The following ANKH variants were observed in gnomAD, a reference collection of about 807,000 sequenced individuals.
The protein encoded by ANKH is ANKH inorganic pyrophosphate transport regulator, also known as mineralization regulator ANKH.
A neutral mutation model predicts 49.0 loss-of-function variants in ANKH; 15 were observed. The ratio of observed to expected loss-of-function variants is 0.31; its 90% CI spans 0.20 to 0.47. The LOEUF is 0.47. ANKH is among the 20% of genes least tolerant of loss of function. The probability of loss-of-function intolerance (pLI) is 1.00; values close to 1 mark genes in which losing one functional copy is unlikely to be tolerated. For synonymous variants in ANKH, 273 were observed against 260.0 expected (o/e 1.05, Z -0.48); for missense variants, 429 against 652.0 (o/e 0.66, Z 3.72).
intron 1 of ANKH, chr5:14,798,367 C>G: frequency 6.4e-7 from 1 of 1,565,884 alleles, no homozygotes; most frequent in Non-Finnish European, 8.8e-7. Context: ...CATTCTTCCA[C>G]TGTGTTGTCA....
intron 1 of ANKH, among the ~76,000 whole-genome samples, chr5:14,839,718 G>A (rs147189592): frequency 2.0e-5 from 3 of 152,264 alleles, no homozygotes; most frequent in Admixed American, 2.0e-4. Context: ...CAGAATGAAA[G>A]TCCTAATGGC....
chr5:14,762,777 T>TCCATAATTACCA (rs2126502100), intron 2 of ANKH, among the ~76,000 whole-genome samples: 1 of 152,050 alleles, frequency 6.6e-6, no homozygotes, highest in South Asian at 2.1e-4. Context: ...TTGCATAGAG[T>TCCATAATTACCA]CCATAATTAC....
At chr5:14,717,937 CA>C (rs1737532983) in intron 8 of ANKH, among the ~76,000 whole-genome samples, 1 of 152,104 alleles carries the variant, frequency 6.6e-6, no homozygotes, top group Admixed American at 6.5e-5. Context: ...GAGGCATACT[CA>C]ATCTGTACAT....
At chr5:14,861,250 G>A (rs1010706680) in intron 1 of ANKH, among the ~76,000 whole-genome samples, 2 of 152,176 alleles carry the variant, frequency 1.3e-5, no homozygotes, top group African/African-American at 4.8e-5. Context: ...TTTGGGACAT[G>A]CACAGAATAA....
chr5:14,846,077 G>T (rs1741952450), intron 1 of ANKH, among the ~76,000 whole-genome samples: 1 of 151,430 alleles, frequency 6.6e-6, no homozygotes. Context: ...GGCTGGTCTC[G>T]AACTCCTGGC....
intron 1 of ANKH, among the ~76,000 whole-genome samples, chr5:14,815,370 G>A (rs1741003695): frequency 6.6e-6 from 1 of 152,204 alleles, no homozygotes; most frequent in East Asian, 1.9e-4. Context: ...CTGTCTGTAT[G>A]CATGTGAGTG....
chr5:14,869,585 T>C (rs1735756996), intron 1 of ANKH: 2 of 152,264 alleles, frequency 1.3e-5, no homozygotes, highest in East Asian at 3.8e-4. Context: ...TTAGAATTAT[T>C]AGACCTGCGA....
intron 9 of ANKH, among the ~76,000 whole-genome samples, chr5:14,715,608 C>T (rs1306310739): frequency 6.6e-6 from 1 of 152,238 alleles, no homozygotes; most frequent in East Asian, 1.9e-4. Flanking sequence ...TTCCCAGGCC[C>T]TTGTCCTGCT....
At chr5:14,861,012 A>AG (rs1195561991) in intron 1 of ANKH, among the ~76,000 whole-genome samples, 2 of 152,106 alleles carry the variant, frequency 1.3e-5, no homozygotes, top group African/African-American at 2.4e-5. Flanking sequence ...TGAACTCCTG[A>AG]GCTCAAGTGA....
chr5:14,726,925 C>G (rs531190386), intron 8 of ANKH, among the ~76,000 whole-genome samples: 1 of 152,168 alleles, frequency 6.6e-6, no homozygotes, highest in African/African-American at 2.4e-5. Context: ...GCCACGTGTT[C>G]CCGATACAGC....
At chr5:14,863,103 A>G (rs762269775) in intron 1 of ANKH, among the ~76,000 whole-genome samples, 14 of 152,324 alleles carry the variant, frequency 9.2e-5, no homozygotes, top group Non-Finnish European at 1.9e-4. Flanking sequence ...CAGCAAGAAG[A>G]GGAAACTGAG....
intron 9 of ANKH, among the ~76,000 whole-genome samples, chr5:14,714,005 C>T (rs950640499): frequency 6.6e-6 from 1 of 152,274 alleles, no homozygotes; most frequent in Non-Finnish European, 1.5e-5. Context: ...TGATCATCTA[C>T]CTCTAGAAGA....
chr5:14,773,631 G>A (rs1046748334), intron 1 of ANKH, among the ~76,000 whole-genome samples: 1 of 152,130 alleles, frequency 6.6e-6, no homozygotes, highest in Admixed American at 6.5e-5. Flanking sequence ...TCACTTAAGC[G>A]CTGAGTGGCC....
chr5:14,711,296 C>T lies in ANKH; in HGVS notation c.1380G>A (p.Glu460=), dbSNP rs755549331. ...YVYRKQKKKM[E]NESATEGEDS... The stretch of plus-strand genomic sequence containing the variant: ...CTTCCCCCTCCGTGGCCGACTCATT[C>T]TCCATCTTCTTTTTCTAGACCAAAG... Residue 460 remains glutamate, a synonymous_variant, in exon 12 of 12, where the codon GAG becomes GAA. Transcript: ENST00000284268. 4 of 1,614,110 alleles carry T rather than the reference C, an allele frequency of 2.5e-6. 1 individual carries two copies. In the South Asian group the frequency reaches 3.3e-5, roughly 13 times the overall value.
rs1735827069 is a variant in ANKH, at chr5:14,871,526, ACGGGGCG to A, written c.-86_-80del. On this transcript the variant is annotated 5_prime_UTR_variant, in exon 1 of 12. Coordinates refer to ENST00000284268, the MANE Select transcript of ANKH (RefSeq NM_054027.6). Reference sequence around the variant, plus strand: ...CGGGGAGGCGAGGGGCGACGGGGCGACGGGGCGAGCGGGGCGCGGGCCGACAGAGGCC... The same window carrying A: ...CGGGGAGGCGAGGGGCGACGGGGCGAAGCGGGGCGCGGGCCGACAGAGGCC... The A allele has an allele frequency of 5.6e-6, 6 of 1,064,910 alleles. No individual in the cohort carries two copies. The East Asian group carries it at 1.8e-4, about 31-fold the overall frequency. 66.0% of individuals were successfully genotyped at this position (1,064,910 alleles called of 1,614,324 possible).
At chr5:14,827,532 G>A (rs984740547) in intron 1 of ANKH, among the ~76,000 whole-genome samples, 2 of 152,204 alleles carry the variant, frequency 1.3e-5, no homozygotes, top group Non-Finnish European at 2.9e-5. Context: ...TTGAGAAGAA[G>A]GCTGTGGCTG....
chr5:14,857,179 A>G (rs902863027), intron 1 of ANKH, among the ~76,000 whole-genome samples: 2 of 152,106 alleles, frequency 1.3e-5, no homozygotes, highest in African/African-American at 4.8e-5. Context: ...ACATCCTCCC[A>G]CTAACTAGAG....
In ANKH at chr5:14,710,093, G is replaced by A. The variant is rs1187497556; in HGVS notation, c.*1104C>T. The stretch of plus-strand genomic sequence containing the variant: ...AGGACCACATAGTGACTCTGGTATC[G>A]TTATAAAATGTCTTGCTTTATCGTA... On this transcript the variant is annotated 3_prime_UTR_variant, in exon 12 of 12. Coordinates refer to ENST00000284268, the MANE Select transcript of ANKH (RefSeq NM_054027.6). The A allele has an allele frequency of 6.6e-6, 1 of 152,154 alleles. No individual in the cohort carries two copies. Among genetic ancestry groups the A allele is most frequent in the Non-Finnish European group, 1.5e-5 (1 of 68,038 alleles). 9.4% of individuals were successfully genotyped at this position (152,154 alleles called of 1,614,324 possible). A position where few individuals can be genotyped will look rare whatever the true frequency, so the allele number is the denominator to read the frequency against.
intron 1 of ANKH, among the ~76,000 whole-genome samples, chr5:14,810,493 G>T (rs1486043590): frequency 1.3e-5 from 2 of 152,158 alleles, no homozygotes; most frequent in African/African-American, 4.8e-5. Context: ...GAATAACAGT[G>T]AGCATGTTTG....
Sources: allele counts gnomAD v4.1 joint callset (sites outside exome capture counted in the v4.1 genomes callset), GRCh38; gene constraint gnomAD v4.1.1; transcripts MANE v1.5; gene names NCBI Gene and HGNC (gene_info 2026-07-23, HGNC 2026-07-21).